Variants in UBE3A observed in about 807,000 individuals in gnomAD.
The protein encoded by UBE3A is ubiquitin-protein ligase E3A.
Under a neutral mutation model 83.4 loss-of-function variants are expected in UBE3A, and 6 were observed. The ratio of observed to expected loss-of-function variants is 0.07; its 90% CI spans 0.04 to 0.14. UBE3A has a LOEUF of 0.14. Ranked by LOEUF, UBE3A falls within the 10% of genes least tolerant of loss-of-function variation. The pLI, the probability that UBE3A is intolerant of heterozygous loss-of-function variation, is 1.00. For synonymous variants in UBE3A, 337 were observed against 355.4 expected, an observed-to-expected ratio of 0.95 and a Z score of 0.58; for missense variants, 456 against 1,036.1, an observed-to-expected ratio of 0.44 and a Z score of 7.69.
intron 4 of UBE3A, among the ~76,000 whole-genome samples, chr15:25,384,231 G>A (rs2082686382): frequency 6.6e-6 from 1 of 152,014 alleles, no homozygotes; most frequent in South Asian, 2.1e-4. Context: ...AGGCCAAGGT[G>A]GGCTGATCAC....
intron 6 of UBE3A, among the ~76,000 whole-genome samples, chr15:25,362,856 A>G (rs1293904401): frequency 1.3e-5 from 2 of 152,218 alleles, no homozygotes; most frequent in East Asian, 3.9e-4. Context: ...CTTTACATCC[A>G]AAGGTATACT....
chr15:25,385,291 A>C (rs1022799022), intron 4 of UBE3A, among the ~76,000 whole-genome samples: 1 of 152,262 alleles, frequency 6.6e-6, no homozygotes, highest in South Asian at 2.1e-4. Flanking sequence ...AAGGACTTGA[A>C]TAGTCATTTT....
At chr15:25,414,551 C>A (rs1399922381) in intron 1 of UBE3A, among the ~76,000 whole-genome samples, 3 of 152,224 alleles carry the variant, frequency 2.0e-5, no homozygotes, top group Admixed American at 1.3e-4. Flanking sequence ...AAAAGGAAAA[C>A]CATTCTTTAT....
intron 4 of UBE3A, among the ~76,000 whole-genome samples, chr15:25,400,797 C>A (rs2086893098): frequency 6.6e-6 from 1 of 152,192 alleles, no homozygotes; most frequent in Non-Finnish European, 1.5e-5. Context: ...CCTTTTCTTT[C>A]TCTTGCCTAA....
chr15:25,413,338 A>G (rs2090333459), intron 1 of UBE3A, among the ~76,000 whole-genome samples: 1 of 152,066 alleles, frequency 6.6e-6, no homozygotes, highest in African/African-American at 2.4e-5. Flanking sequence ...CCTCCTTCTA[A>G]AGCTGTTTCA....
intron 3 of UBE3A, chr15:25,407,181 GA>G: frequency 7.5e-7 from 1 of 1,340,434 alleles, no homozygotes; most frequent in Non-Finnish European, 9.8e-7. Context: ...ACTCATTTTT[GA>G]AAGTGCGACC....
chr15:25,408,061 CCT>C (rs2089082099), intron 3 of UBE3A: 1 of 153,430 alleles, frequency 6.5e-6, no homozygotes, highest in Admixed American at 6.5e-5. Context: ...CATGATGAAA[CCT>C]CGTCTCTTAG....
At chr15:25,348,288 G>A (rs1012363871) in intron 11 of UBE3A, among the ~76,000 whole-genome samples, 9 of 152,006 alleles carry the variant, frequency 5.9e-5, no homozygotes, top group Admixed American at 6.6e-5. Flanking sequence ...TTCAATGAAG[G>A]AAGAACATAC....
At chr15:25,400,203 T>A (rs983810332) in intron 4 of UBE3A, among the ~76,000 whole-genome samples, 2 of 152,234 alleles carry the variant, frequency 1.3e-5, no homozygotes, top group Non-Finnish European at 2.9e-5. Flanking sequence ...CAATGTTACA[T>A]AGTTTTCAAC....
rs934621271 is a variant in UBE3A at position 25,373,681 on chromosome 15, G to T, written c.361+1784C>A. 26 of 152,240 alleles carry T rather than the reference G, an allele frequency of 1.7e-4. No homozygotes were observed. In the East Asian group the frequency reaches 4.4e-3, roughly 26 times the overall value. The allele number at this position is 152,240 out of a possible 1,614,324, so 9.4% of individuals were successfully genotyped here. ...TTTAGTAGAGAGGGGGTTTCACCAC[G>T]TTGGCCAGGTTGGTCTCGATCTCTT... On this transcript the variant is annotated intron_variant, in intron 5 of 12. Coordinates refer to ENST00000648336, the MANE Select transcript of UBE3A (RefSeq NM_130839.5).
At chr15:25,373,065 T>G (rs1052830885) in intron 5 of UBE3A, among the ~76,000 whole-genome samples, 48 of 152,296 alleles carry the variant, frequency 3.2e-4, no homozygotes, top group East Asian at 5.8e-4. Context: ...CCTTAACTCT[T>G]TAAGAACTAA....
At chr15:25,417,963 T>G (rs970942775) in intron 1 of UBE3A, 20 of 151,836 alleles carry the variant, frequency 1.3e-4, no homozygotes, top group African/African-American at 4.4e-4. Context: ...GTAATCATTG[T>G]GCAAATATCA....
At chr15:25,341,142 T>A (rs2074695043) in intron 11 of UBE3A, among the ~76,000 whole-genome samples, 1 of 151,904 alleles carries the variant, frequency 6.6e-6, no homozygotes, top group Non-Finnish European at 1.5e-5. Flanking sequence ...CGATCTCGGC[T>A]CATTGCAAGC....
intron 1 of UBE3A, among the ~76,000 whole-genome samples, chr15:25,428,537 T>C (rs117647772): frequency 6.6e-6 from 1 of 152,192 alleles, no homozygotes; most frequent in Admixed American, 6.5e-5. Context: ...AGTAAGAAGG[T>C]TGGATGAAAT....
chr15:25,399,177 T>C (rs1368908334), intron 4 of UBE3A, among the ~76,000 whole-genome samples: 1 of 152,126 alleles, frequency 6.6e-6, no homozygotes, highest in Non-Finnish European at 1.5e-5. Flanking sequence ...GATTTTTTCT[T>C]TTTGCCATGC....
intron 4 of UBE3A, among the ~76,000 whole-genome samples, chr15:25,383,641 A>AAAAAAC (rs1035705958): frequency 2.6e-5 from 4 of 152,194 alleles, no homozygotes; most frequent in African/African-American, 9.7e-5. Context: ...TTCTGTCTCA[A>AAAAAAC]AAAAACAAAA....
intron 1 of UBE3A, among the ~76,000 whole-genome samples, chr15:25,428,125 T>G (rs966846319): frequency 6.6e-5 from 10 of 152,150 alleles, no homozygotes; most frequent in South Asian, 2.1e-4. Flanking sequence ...CTGTATTTAT[T>G]ATTGCTGAAC....
At chr15:25,420,371 A>T (rs1162460608) in intron 1 of UBE3A, among the ~76,000 whole-genome samples, 1 of 152,172 alleles carries the variant, frequency 6.6e-6, no homozygotes, top group African/African-American at 2.4e-5. Flanking sequence ...TATGAAGAAA[A>T]AATGAACAGA....
Position 25,359,956 on chromosome 15 carries a change from G to A in UBE3A, c.1753+427C>T, listed in dbSNP as rs545116086. The stretch of plus-strand genomic sequence containing the variant: ...AACCTAATTAATGTGATATCAGCTA[G>A]TGTTTCTGAACTTTGAGCATGACAT... On this transcript the variant is annotated intron_variant, in intron 7 of 12. Transcript: ENST00000648336. Among the ~76,000 whole-genome samples the A allele has an allele frequency of 5.3e-5, 8 of 152,248 alleles. No individual in the cohort carries two copies. In the South Asian group the frequency reaches 1.2e-3, roughly 24 times the overall value.
Sources: allele counts gnomAD v4.1 joint callset (sites outside exome capture counted in the v4.1 genomes callset), GRCh38; gene constraint gnomAD v4.1.1; transcripts MANE v1.5; gene names NCBI Gene and HGNC (gene_info 2026-07-23, HGNC 2026-07-21).